Variants in COLEC10 observed in about 807,000 individuals in gnomAD.
The protein encoded by COLEC10 is collectin-10.
A neutral mutation model predicts 28.4 loss-of-function variants in COLEC10; 22 were observed. The ratio of observed to expected loss-of-function variants is 0.78; its 90% CI spans 0.55 to 1.11. COLEC10 has a LOEUF of 1.11. Ranked by LOEUF, COLEC10 falls within the 50% of genes least tolerant of loss-of-function variation. The pLI is 0.00. For missense variants in COLEC10, 361 were observed against 344.1 expected (o/e 1.05, Z -0.39); for synonymous variants, 125 against 116.1 (o/e 1.08, Z -0.49).
At chr8:118,978,778 C>T in the COLEC10 span, among the ~76,000 whole-genome samples, 2 of 151,896 alleles carry the variant, frequency 1.3e-5, no homozygotes, top group African/African-American at 4.8e-5. Context: ...TACCAATTTA[C>T]CCTCCCACCA....
At chr8:118,994,572 C>T (rs949104764), upstream of COLEC10, among the ~76,000 whole-genome samples, 5 of 152,206 alleles carry the variant, frequency 3.3e-5, no homozygotes, top group East Asian at 3.9e-4. Context: ...GAAACAAAGT[C>T]GGCCAGAGGT....
At chr8:119,006,272 T>C (rs774479648) in intron 1 of COLEC10, among the ~76,000 whole-genome samples, 1 of 152,088 alleles carries the variant, frequency 6.6e-6, no homozygotes, top group Non-Finnish European at 1.5e-5. Flanking sequence ...GTTTTCTTGC[T>C]CCACTTATGA....
the COLEC10 span, among the ~76,000 whole-genome samples, chr8:118,986,475 C>T: frequency 8.6e-5 from 13 of 151,926 alleles, no homozygotes; most frequent in Non-Finnish European, 1.6e-4. Context: ...TCCAAAAGAA[C>T]ATAAAGAGCA....
intron 1 of COLEC10, among the ~76,000 whole-genome samples, chr8:119,081,254 G>C (rs1278629353): frequency 6.6e-6 from 1 of 152,078 alleles, no homozygotes; most frequent in Non-Finnish European, 1.5e-5. Flanking sequence ...CTTTGGATGT[G>C]AATCTGATGA....
intron 4 of COLEC10, among the ~76,000 whole-genome samples, chr8:119,103,528 T>C (rs921938829): frequency 1.3e-5 from 2 of 152,190 alleles, no homozygotes; most frequent in African/African-American, 4.8e-5. Context: ...AAAATGTGTA[T>C]GCAGTGGTTG....
At chr8:119,058,960 A>T (rs1221021939) in intron 2 of COLEC10, among the ~76,000 whole-genome samples, 2 of 152,064 alleles carry the variant, frequency 1.3e-5, no homozygotes, top group Non-Finnish European at 2.9e-5. Flanking sequence ...GGCCAGTCTT[A>T]CCTATATATA....
chr8:119,018,204 TGAA>T lies in COLEC10; in HGVS notation n.235+8658_235+8660del, dbSNP rs75760769. ...TGGGAGACCTTTACTAAAAGTGTCCTGAAGAAGAAATTATTCTTTCGCCCCTAG... is the reference window on the plus strand; with the variant it reads ...TGGGAGACCTTTACTAAAAGTGTCCTGAAGAAATTATTCTTTCGCCCCTAG... On this transcript the variant is annotated intron_variant and non_coding_transcript_variant, in intron 2 of 6. Transcript: ENST00000521788. 2.0e-3 allele frequency among the ~76,000 whole-genome samples: 304 copies of T among 152,352 alleles called. 3 individuals are homozygous for T. In the East Asian group the frequency reaches 0.042, roughly 21 times the overall value.
intron 2 of COLEC10, 31 bp from the exon 3 acceptor site, chr8:119,091,118 A>T: frequency 6.4e-7 from 1 of 1,566,958 alleles, no homozygotes; most frequent in South Asian, 1.1e-5. Context: ...ATAAAACCTT[A>T]TGATAAAAAG....
chr8:119,081,030 T>C (rs1021343867), intron 1 of COLEC10, among the ~76,000 whole-genome samples: 2 of 151,948 alleles, frequency 1.3e-5, no homozygotes, highest in African/African-American at 4.9e-5. Flanking sequence ...ATACATTTTG[T>C]TTGTTTACAG....
chr8:119,085,701 C>A (rs577968291), intron 1 of COLEC10, among the ~76,000 whole-genome samples: 1 of 147,710 alleles, frequency 6.8e-6, no homozygotes, highest in Non-Finnish European at 1.5e-5. Context: ...AAACTGCAAC[C>A]TCTGCCTCCC....
intron 2 of COLEC10, among the ~76,000 whole-genome samples, chr8:119,057,874 T>C (rs546233227): frequency 4.6e-5 from 7 of 152,204 alleles, no homozygotes; most frequent in African/African-American, 1.7e-4. Flanking sequence ...GAAAAGGATA[T>C]TGATTTCTTA....
chr8:119,100,317 A>G (rs1815798924), intron 3 of COLEC10, among the ~76,000 whole-genome samples: 1 of 152,184 alleles, frequency 6.6e-6, no homozygotes, highest in African/African-American at 2.4e-5. Flanking sequence ...TGTAGGATAA[A>G]GATAATTATA....
At chr8:119,059,981 C>T (rs542316940) in intron 2 of COLEC10, among the ~76,000 whole-genome samples, 1 of 152,144 alleles carries the variant, frequency 6.6e-6, no homozygotes, top group Non-Finnish European at 1.5e-5. Context: ...ATAGTCATGG[C>T]TGAAACTTCC....
chr8:119,065,263 C>T (rs1487804776), upstream of COLEC10, among the ~76,000 whole-genome samples: 1 of 152,110 alleles, frequency 6.6e-6, no homozygotes, highest in Non-Finnish European at 1.5e-5. Context: ...TACAGCTGCC[C>T]CCACATCAGT....
At chr8:119,024,956 G>C (rs187255277) in intron 2 of COLEC10, among the ~76,000 whole-genome samples, 1 of 152,208 alleles carries the variant, frequency 6.6e-6, no homozygotes, top group Admixed American at 6.5e-5. Flanking sequence ...CAAGATAATA[G>C]ACCTGTAATT....
chr8:119,091,292 G>T, intron 3 of COLEC10, 72 bp downstream of exon 3: 1 of 1,130,226 alleles, frequency 8.8e-7, no homozygotes, highest in Non-Finnish European at 1.3e-6. Flanking sequence ...GCTCACACCA[G>T]TAATCCCAAC....
At chr8:119,096,641 C>T (rs1815724418) in intron 3 of COLEC10, among the ~76,000 whole-genome samples, 1 of 151,856 alleles carries the variant, frequency 6.6e-6, no homozygotes, top group Admixed American at 6.6e-5. Context: ...AAAGATACTT[C>T]TCAGAGAACA....
chr8:118,958,141 T>C, the COLEC10 span, among the ~76,000 whole-genome samples: 1 of 152,190 alleles, frequency 6.6e-6, no homozygotes, highest in Non-Finnish European at 1.5e-5. Flanking sequence ...CAGAGGAATA[T>C]GAACAATGCA....
chr8:119,022,749 CT>C lies in COLEC10; in HGVS notation n.235+13197del. Among the ~76,000 whole-genome samples, 3 of 152,176 alleles carry C rather than the reference CT, an allele frequency of 2.0e-5. No homozygotes were observed. In the East Asian group the frequency reaches 5.8e-4, roughly 29 times the overall value. ...TCCCCTCCACTGGCTGCCTCCCCAG[CT>C]CAGTAGTCACAGTAATCCTTTTAAA... On this transcript the variant is annotated intron_variant and non_coding_transcript_variant, in intron 2 of 6. Transcript: ENST00000521788.
Sources: gnomAD v4.1 joint callset for allele counts (sites outside exome capture counted in the v4.1 genomes callset) on GRCh38, gnomAD v4.1.1 for gene constraint, MANE v1.5 for transcripts, NCBI Gene and HGNC (gene_info 2026-07-23, HGNC 2026-07-21) for gene names.